NXPE4: variants seen among roughly 807,000 people sequenced by gnomAD.
NXPE4 encodes the protein NXPE family member 4.
Under a neutral mutation model 33.3 loss-of-function variants are expected in NXPE4, and 42 were observed. The ratio of observed to expected loss-of-function variants is 1.26; its 90% CI spans 0.98 to 1.63. NXPE4 has a LOEUF of 1.63. Among genes scored for constraint, NXPE4 ranks in the 40% most tolerant of loss-of-function variants. NXPE4 has a pLI of 0.00. For synonymous variants in NXPE4, 253 were observed against 234.9 expected (o/e 1.08, Z -0.71); for missense variants, 709 against 647.6 (o/e 1.09, Z -1.03).
At chr11:114,627,187 C>G in the NXPE4 span, among the ~76,000 whole-genome samples, 1 of 151,932 alleles carries the variant, frequency 6.6e-6, no homozygotes, top group East Asian at 1.9e-4. Context: ...AGATACTCCT[C>G]GAGAAGAGCA....
At chr11:114,603,871 T>C in the NXPE4 span, among the ~76,000 whole-genome samples, 5 of 151,046 alleles carry the variant, frequency 3.3e-5, no homozygotes, top group African/African-American at 9.8e-5. Context: ...AGGTAACTAA[T>C]ATTATCTGGT....
chr11:114,624,152 T>G, the NXPE4 span, among the ~76,000 whole-genome samples: 1 of 152,090 alleles, frequency 6.6e-6, no homozygotes, highest in South Asian at 2.1e-4. Flanking sequence ...TATTGCCTCA[T>G]GTGTAACCAA....
chr11:114,631,948 A>G, the NXPE4 span, among the ~76,000 whole-genome samples: 2 of 150,806 alleles, frequency 1.3e-5, no homozygotes, highest in Non-Finnish European at 3.0e-5. Context: ...ATTGCCTTGT[A>G]GGTAACTACT....
intron 2 of NXPE4, among the ~76,000 whole-genome samples, chr11:114,589,571 G>A (rs1949392929): frequency 6.6e-6 from 1 of 152,164 alleles, no homozygotes; most frequent in Non-Finnish European, 1.5e-5. Flanking sequence ...TAGCTTGCAT[G>A]TGGGCCAGCA....
chr11:114,589,308 C>T lies in NXPE4; in HGVS notation c.96+5356G>A, dbSNP rs144827705. Among the ~76,000 whole-genome samples the T allele has an allele frequency of 5.7e-4, 86 of 152,162 alleles. 1 individual carries two copies. In the East Asian group the frequency reaches 0.016, roughly 28 times the overall value. ...CCAGTGGCTCAAATTCCCATTACAG[C>T]ACAGGAGGCCCAGGTAATTCTGGAA... On this transcript the variant is annotated intron_variant, in intron 2 of 5. Transcript: ENST00000375478.
chr11:114,613,628 A>C, the NXPE4 span, among the ~76,000 whole-genome samples: 7 of 151,576 alleles, frequency 4.6e-5, no homozygotes, highest in Non-Finnish European at 1.0e-4. Context: ...ACTGTTACAC[A>C]CTGGATAACA....
Position 114,571,334 on chromosome 11 carries a change from C to A in NXPE4, c.1239G>T (p.Met413Ile). The change falls in exon 6 of 6, where the codon ATG (methionine) becomes ATT (isoleucine). Residue 413 changes from methionine (M) to isoleucine (I), a missense_variant. By Grantham distance (10) the Met-to-Ile change is conservative. Coordinates refer to ENST00000375478, the MANE Select transcript of NXPE4 (RefSeq NM_001077639.2). ...IGSMTYSVKE[M>I]EYLTRAIDRT... Reference sequence around the variant, plus strand: ...TGTCAATGGCCCGGGTGAGGTACTCCATCTCTTTGACTGAATAGGTCATTG... The same window carrying A: ...TGTCAATGGCCCGGGTGAGGTACTCAATCTCTTTGACTGAATAGGTCATTG... 6.2e-7 allele frequency: 1 copy of A among 1,614,012 alleles called. No individual in the cohort carries two copies. The highest frequency in any genetic ancestry group is 8.5e-7 in the Non-Finnish European group (1 of 1,179,938).
At chr11:114,630,779 T>G in the NXPE4 span, among the ~76,000 whole-genome samples, 1 of 151,180 alleles carries the variant, frequency 6.6e-6, no homozygotes, top group Non-Finnish European at 1.5e-5. Context: ...ACTCATCTGA[T>G]AAAGGGTTAA....
At chr11:114,659,554 A>G in the NXPE4 span, among the ~76,000 whole-genome samples, 1 of 152,182 alleles carries the variant, frequency 6.6e-6, no homozygotes, top group Non-Finnish European at 1.5e-5. Flanking sequence ...TTTTGAAATG[A>G]AACAACATAC....
chr11:114,608,871 C>T, the NXPE4 span, among the ~76,000 whole-genome samples: 14 of 151,654 alleles, frequency 9.2e-5, no homozygotes, highest in Admixed American at 9.2e-4. Flanking sequence ...CCACTCTTAC[C>T]CGGTGGATAC....
At chr11:114,668,321 A>G in the NXPE4 span, among the ~76,000 whole-genome samples, 1 of 151,930 alleles carries the variant, frequency 6.6e-6, no homozygotes, top group Non-Finnish European at 1.5e-5. Flanking sequence ...CTGCTAGTGA[A>G]CAGGCTAACA....
chr11:114,650,392 A>G, the NXPE4 span, among the ~76,000 whole-genome samples: 133 of 152,356 alleles, frequency 8.7e-4, no homozygotes, highest in Non-Finnish European at 1.7e-3. Context: ...ATGATCCTCC[A>G]CTGCTATTTA....
At chr11:114,616,818 G>A in the NXPE4 span, among the ~76,000 whole-genome samples, 64 of 151,566 alleles carry the variant, frequency 4.2e-4, 3 homozygotes, top group African/African-American at 1.4e-3. Flanking sequence ...GTGTTGCCTC[G>A]TTGGTAACCA....
At chr11:114,670,542 A>T in the NXPE4 span, among the ~76,000 whole-genome samples, 2 of 151,886 alleles carry the variant, frequency 1.3e-5, no homozygotes, top group East Asian at 3.9e-4. Flanking sequence ...AAATTAAAGA[A>T]GTAGCCAGGC....
the NXPE4 span, among the ~76,000 whole-genome samples, chr11:114,624,482 C>A: frequency 6.6e-6 from 1 of 152,140 alleles, no homozygotes; most frequent in Middle Eastern, 3.2e-3. Context: ...ATAAGTATTG[C>A]CCATGGGTAA....
the NXPE4 span, among the ~76,000 whole-genome samples, chr11:114,609,255 A>C: frequency 6.6e-6 from 1 of 151,762 alleles, no homozygotes; most frequent in Non-Finnish European, 1.5e-5. Flanking sequence ...CCCAGTGGTT[A>C]ATAAGTATTG....
chr11:114,652,486 C>G, the NXPE4 span, among the ~76,000 whole-genome samples: 4 of 152,120 alleles, frequency 2.6e-5, no homozygotes, highest in Non-Finnish European at 5.9e-5. Context: ...ACACAATTCT[C>G]TACTATATAA....
chr11:114,584,233 G>A (rs748804117), intron 2 of NXPE4: 8 of 427,854 alleles, frequency 1.9e-5, no homozygotes, highest in Admixed American at 1.2e-4. Context: ...GATCCCTAAT[G>A]AGCCTTCATA....
Position 114,583,760 on chromosome 11 carries a change from G to A in NXPE4, c.97-739C>T, listed in dbSNP as rs911995247. The A allele has an allele frequency of 1.7e-5, 8 of 478,798 alleles. No individual in the cohort carries two copies. The East Asian group carries it at 3.6e-4, about 21-fold the overall frequency. 29.7% of individuals were successfully genotyped at this position (478,798 alleles called of 1,614,324 possible). A position where few individuals can be genotyped will look rare whatever the true frequency, so the allele number is the denominator to read the frequency against. On this transcript the variant is annotated intron_variant, in intron 2 of 5. Coordinates refer to ENST00000375478, the MANE Select transcript of NXPE4 (RefSeq NM_001077639.2). ...GGAACTGCTAAAGTATCACCAGAGG[G>A]TGTTGTATGTTGACGTTGATATTCA...
Sources: allele counts gnomAD v4.1 joint callset (sites outside exome capture counted in the v4.1 genomes callset), GRCh38; gene constraint gnomAD v4.1.1; transcripts MANE v1.5; gene names NCBI Gene and HGNC (gene_info 2026-07-23, HGNC 2026-07-21).